The following SENP7 variants were observed in gnomAD, a reference collection of about 807,000 sequenced individuals.
SENP7 encodes the protein SUMO specific peptidase 7, also known as sentrin-specific protease 7.
Under a neutral mutation model 141.2 loss-of-function variants are expected in SENP7, and 64 were observed. That is an observed-to-expected ratio of 0.45 (90% confidence interval 0.37 to 0.56). The LOEUF is 0.56. Among genes scored for constraint, SENP7 ranks in the 20% least tolerant of loss-of-function variants. SENP7 has a pLI of 0.00. For missense variants in SENP7, 1,025 were observed against 1,212.2 expected, an observed-to-expected ratio of 0.85 and a Z score of 2.29; for synonymous variants, 382 against 426.4, an observed-to-expected ratio of 0.90 and a Z score of 1.28.
intron 11 of SENP7, among the ~76,000 whole-genome samples, chr3:101,353,295 C>G (rs565622749): frequency 6.6e-6 from 1 of 152,064 alleles, no homozygotes; most frequent in East Asian, 1.9e-4. Context: ...AGAATTTGCA[C>G]AGCCATAACT....
chr3:101,434,330 A>G (rs937108001), intron 4 of SENP7, among the ~76,000 whole-genome samples: 14 of 151,988 alleles, frequency 9.2e-5, no homozygotes, highest in Admixed American at 6.6e-5. Context: ...ATCAAAAAAA[A>G]GAAAAAAACT....
At chr3:101,345,226 GT>G (rs34741074) in intron 13 of SENP7, among the ~76,000 whole-genome samples, 47,904 of 151,766 alleles carry the variant, frequency 0.32, 8,111 homozygotes, top group Non-Finnish European at 0.38. Context: ...TTTTAGGATT[GT>G]TTTTTCTAGT....
rs756778782 is a variant in SENP7, at chr3:101,417,770, G to T, written c.305C>A (p.Thr102Lys). The change falls in exon 5 of 24, where the codon ACG becomes AAG. Residue 102 changes from threonine (T) to lysine (K), a missense_variant. Transcript: ENST00000394095. Reference protein sequence around the residue: ...SPERQLKVMLTNVLWTDLGRK... With the variant: ...SPERQLKVMLKNVLWTDLGRK... The stretch of plus-strand genomic sequence containing the variant: ...TCCTAAATCCGTCCATAGGACATTC[G>T]TCAACATAACTTTGAGTTGCCTGTT... 6 of 1,613,498 alleles carry T rather than the reference G, an allele frequency of 3.7e-6. No homozygotes were observed. The highest frequency in any genetic ancestry group is 5.1e-6 in the Non-Finnish European group (6 of 1,179,614).
At chr3:101,451,173 T>C (rs1265069205) in intron 4 of SENP7, among the ~76,000 whole-genome samples, 2 of 152,130 alleles carry the variant, frequency 1.3e-5, no homozygotes, top group African/African-American at 2.4e-5. Context: ...CAGGAAGAAG[T>C]TGAATCTCTG....
intron 3 of SENP7, among the ~76,000 whole-genome samples, chr3:101,491,169 C>A (rs1453557773): frequency 6.7e-6 from 1 of 149,076 alleles, no homozygotes; most frequent in Non-Finnish European, 1.5e-5. Context: ...GTTTCCCAGG[C>A]TGGAGTATAG....
rs1405808802 is a variant in SENP7 at position 101,357,326 on chromosome 3, A to T, written c.1623+4389T>A. The T allele has an allele frequency of 4.5e-6, 3 of 661,008 alleles. No individual in the cohort carries two copies. In the African/African-American group the frequency reaches 5.4e-5, roughly 12 times the overall value. 40.9% of individuals were successfully genotyped at this position (661,008 alleles called of 1,614,324 possible). The stretch of plus-strand genomic sequence containing the variant: ...GCATTGCCTGGACACTGCACAGTGG[A>T]ATTTATATAAGGATGTGATGTTAGA... On this transcript the variant is annotated intron_variant, in intron 11 of 23. Coordinates refer to ENST00000394095, the MANE Select transcript of SENP7 (RefSeq NM_020654.5).
intron 17 of SENP7, among the ~76,000 whole-genome samples, chr3:101,335,821 T>TCC (rs1329331368): frequency 3.9e-5 from 6 of 152,118 alleles, no homozygotes; most frequent in Admixed American, 2.0e-4. Context: ...TTAATAAATC[T>TCC]CCCCCTTCCA....
At position 101,325,866 on chromosome 3, in the gene SENP7, A is replaced by T; in HGVS notation, c.*77T>A. 1.5e-6 allele frequency: 2 copies of T among 1,335,848 alleles called. No individual in the cohort carries two copies. The highest frequency in any genetic ancestry group is 2.0e-6 in the Non-Finnish European group (2 of 992,844). 82.7% of individuals were successfully genotyped at this position (1,335,848 alleles called of 1,614,324 possible). A position where few individuals can be genotyped will look rare whatever the true frequency, so the allele number is the denominator to read the frequency against. ...ACTGCAAGTTATTTTCTTCTCTGTG[A>T]GCTGGCTAACACAAATGCTGGTAAG... On this transcript the variant is annotated 3_prime_UTR_variant, in exon 24 of 24. Coordinates refer to ENST00000394095, the MANE Select transcript of SENP7 (RefSeq NM_020654.5).
chr3:101,440,435 G>A (rs1374437547), intron 4 of SENP7, among the ~76,000 whole-genome samples: 11 of 112,276 alleles, frequency 9.8e-5, no homozygotes, highest in Non-Finnish European at 1.8e-4. Flanking sequence ...CAAACACTGC[G>A]GAAGGCCGCA....
chr3:101,495,399 G>T (rs1051259548), intron 2 of SENP7, among the ~76,000 whole-genome samples: 4 of 151,964 alleles, frequency 2.6e-5, no homozygotes, highest in African/African-American at 4.8e-5. Context: ...ACCATTACTG[G>T]GTATATACCC....
intron 4 of SENP7, among the ~76,000 whole-genome samples, chr3:101,418,065 T>C (rs559323302): frequency 3.5e-4 from 54 of 152,252 alleles, no homozygotes; most frequent in Non-Finnish European, 7.5e-4. Flanking sequence ...GGCAATGCAT[T>C]CATGTTTATT....
At chr3:101,457,508 A>T (rs1349178323) in intron 4 of SENP7, 1 of 1,609,654 alleles carries the variant, frequency 6.2e-7, no homozygotes, top group East Asian at 2.2e-5. Context: ...TAGGGTTGTT[A>T]AAGTGGATCA....
intron 5 of SENP7, among the ~76,000 whole-genome samples, chr3:101,412,022 T>C (rs2061470140): frequency 6.6e-6 from 1 of 152,134 alleles, no homozygotes; most frequent in Admixed American, 6.5e-5. Context: ...TCCTTCCTTG[T>C]TTAAATAGCA....
chr3:101,341,797 G>A lies in SENP7; in HGVS notation c.2107-18C>T, dbSNP rs1361990383. ...TTTGAGGGCTGACAGAAAGTGGCAA[G>A]AAAAAGGGTCTCAAACATCATAACT... On this transcript the variant is annotated intron_variant, in intron 14 of 23. Transcript: ENST00000394095. 1 of 1,560,796 alleles carries A rather than the reference G, an allele frequency of 6.4e-7. No individual in the cohort carries two copies.
intron 11 of SENP7, among the ~76,000 whole-genome samples, chr3:101,355,862 T>C (rs945747773): frequency 2.0e-5 from 3 of 152,232 alleles, no homozygotes; most frequent in Non-Finnish European, 1.5e-5. Flanking sequence ...TTTTTCCATT[T>C]GTTTGTGTCA....
chr3:101,335,076 G>A (rs1037598006), intron 17 of SENP7, among the ~76,000 whole-genome samples: 28 of 152,156 alleles, frequency 1.8e-4, no homozygotes, highest in African/African-American at 6.0e-4. Context: ...AAATGAAGAC[G>A]TAAACAAACG....
intron 5 of SENP7, among the ~76,000 whole-genome samples, chr3:101,412,218 T>G (rs191580476): frequency 6.6e-6 from 1 of 152,102 alleles, no homozygotes; most frequent in Non-Finnish European, 1.5e-5. Flanking sequence ...ACTAATTTAG[T>G]TTTCATTTTG....
At chr3:101,327,579 C>G in intron 23 of SENP7, 87 bp downstream of exon 23, 1 of 960,052 alleles carries the variant, frequency 1.0e-6, no homozygotes, top group Admixed American at 2.9e-5. Context: ...TCTTTATTAG[C>G]AGCATGAGAA....
intron 6 of SENP7, among the ~76,000 whole-genome samples, chr3:101,377,440 C>T (rs541571004): frequency 2.8e-4 from 42 of 152,188 alleles, no homozygotes; most frequent in African/African-American, 9.6e-4. Flanking sequence ...GCTGAGGGTT[C>T]AGTGTACATA....
Sources: allele counts gnomAD v4.1 joint callset (sites outside exome capture counted in the v4.1 genomes callset), GRCh38; gene constraint gnomAD v4.1.1; transcripts MANE v1.5; gene names NCBI Gene and HGNC (gene_info 2026-07-23, HGNC 2026-07-21).